The following SRGAP1 variants were observed in gnomAD, a reference collection of about 807,000 sequenced individuals.
SRGAP1 encodes SLIT-ROBO Rho GTPase activating protein 1, also known as SLIT-ROBO Rho GTPase-activating protein 1.
Under a neutral mutation model 121.9 loss-of-function variants are expected in SRGAP1, and 43 were observed. That is an observed-to-expected ratio of 0.35 (90% CI 0.28 to 0.46). The LOEUF (loss-of-function observed/expected upper bound fraction) is 0.46. Among genes scored for constraint, SRGAP1 ranks in the 20% least tolerant of loss-of-function variants. SRGAP1 has a pLI of 1.00. For missense variants in SRGAP1, 1,102 were observed against 1,350.9 expected (o/e 0.82, Z 2.89); for synonymous variants, 447 against 485.4 (o/e 0.92, Z 1.04).
Position 63,963,049 on chromosome 12 carries a change from A to G in SRGAP1, c.68-20898A>G, listed in dbSNP as rs1425854560. Among the ~76,000 whole-genome samples the G allele has an allele frequency of 5.3e-5, 8 of 152,180 alleles. No individual in the cohort carries two copies. The East Asian group carries it at 1.2e-3, about 22-fold the overall frequency. On this transcript the variant is annotated intron_variant, in intron 1 of 21. Transcript: ENST00000355086. ...AAATTTAGAATTATGTTTGTGGCCT[A>G]CATTTATAGCTTATATACTATTTTT...
intron 1 of SRGAP1, among the ~76,000 whole-genome samples, chr12:63,874,349 G>A (rs1899959412): frequency 6.6e-6 from 1 of 151,934 alleles, no homozygotes; most frequent in African/African-American, 2.4e-5. Context: ...GACTACAGGT[G>A]CCTGCCACCA....
chr12:63,893,045 G>A (rs751123767), intron 1 of SRGAP1, among the ~76,000 whole-genome samples: 101 of 152,128 alleles, frequency 6.6e-4, no homozygotes, highest in Non-Finnish European at 4.4e-4. Flanking sequence ...ACCAAATTAG[G>A]ATCTTTGGAA....
intron 1 of SRGAP1, among the ~76,000 whole-genome samples, chr12:63,876,282 G>T (rs893705112): frequency 3.3e-5 from 5 of 152,088 alleles, no homozygotes; most frequent in Non-Finnish European, 7.4e-5. Context: ...CCGCTTGATG[G>T]TGATATTTGG....
At chr12:64,079,245 T>C (rs2035793404) in intron 9 of SRGAP1, 129 bp downstream of exon 9, 2 of 965,744 alleles carry the variant, frequency 2.1e-6, no homozygotes, top group Middle Eastern at 3.3e-4. Context: ...ACCATCAGAG[T>C]TCCTGATTCA....
chr12:64,092,195 T>A (rs1368272752), intron 12 of SRGAP1, among the ~76,000 whole-genome samples: 1 of 152,178 alleles, frequency 6.6e-6, no homozygotes, highest in African/African-American at 2.4e-5. Context: ...GGAAAGTCAA[T>A]GTTAAATACC....
chr12:64,009,264 AT>A (rs1414258245), intron 3 of SRGAP1, among the ~76,000 whole-genome samples: 4 of 152,160 alleles, frequency 2.6e-5, no homozygotes, highest in African/African-American at 9.7e-5. Flanking sequence ...GTTTATTTAC[AT>A]CAGCCACTGA....
At chr12:64,035,808 T>G (rs2034891662) in intron 4 of SRGAP1, among the ~76,000 whole-genome samples, 1 of 152,204 alleles carries the variant, frequency 6.6e-6, no homozygotes, top group Non-Finnish European at 1.5e-5. Context: ...CTCTGCTGCT[T>G]TGCCTTTGGG....
chr12:63,860,048 C>G (rs1332567445), intron 1 of SRGAP1, among the ~76,000 whole-genome samples: 1 of 152,064 alleles, frequency 6.6e-6, no homozygotes, highest in African/African-American at 2.4e-5. Context: ...CTGTGCTGCC[C>G]AGGCTAAAGT....
At chr12:63,976,154 T>A (rs1212075886) in intron 1 of SRGAP1, among the ~76,000 whole-genome samples, 1 of 152,194 alleles carries the variant, frequency 6.6e-6, no homozygotes, top group Non-Finnish European at 1.5e-5. Flanking sequence ...AACACAGGTA[T>A]TTTTAGTAAG....
At chr12:63,949,012 T>TTTC (rs56996271) in intron 1 of SRGAP1, among the ~76,000 whole-genome samples, 2 of 92,028 alleles carry the variant, frequency 2.2e-5, no homozygotes, top group African/African-American at 1.0e-4. Flanking sequence ...ATATATATAT[T>TTTC]CATATATGTA....
At chr12:64,112,071 A>G (rs973137675) in intron 17 of SRGAP1, 85 bp downstream of exon 17, 3 of 1,097,770 alleles carry the variant, frequency 2.7e-6, no homozygotes, top group African/African-American at 1.6e-5. Context: ...AGAGTTTCCC[A>G]TAAGCCACCA....
chr12:64,039,628 C>CGTGTGTGTGTGTGT (rs6144742), intron 4 of SRGAP1, among the ~76,000 whole-genome samples: 6,983 of 130,840 alleles, frequency 0.053, 429 homozygotes, highest in African/African-American at 0.06. Context: ...AGCTGAGCAA[C>CGTGTGTGTGTGTGT]GTGTGTGTGT....
At chr12:64,103,118 C>T (rs182039888) in intron 15 of SRGAP1, among the ~76,000 whole-genome samples, 26 of 152,082 alleles carry the variant, frequency 1.7e-4, no homozygotes, top group Admixed American at 9.2e-4. Flanking sequence ...TAGCTGGGAC[C>T]ACAGGCGTGC....
chr12:63,866,570 C>A (rs368506119), intron 1 of SRGAP1, among the ~76,000 whole-genome samples: 1 of 152,098 alleles, frequency 6.6e-6, no homozygotes, highest in South Asian at 2.1e-4. Context: ...TATCAGACAG[C>A]AAATTTCAAC....
At chr12:63,997,524 A>G (rs1284337821) in intron 3 of SRGAP1, among the ~76,000 whole-genome samples, 3 of 152,066 alleles carry the variant, frequency 2.0e-5, no homozygotes, top group African/African-American at 7.2e-5. Flanking sequence ...TAGAAGGGTA[A>G]ATTGTTTTAA....
At chr12:64,080,562 C>G in intron 10 of SRGAP1, 192 bp downstream of exon 10, 1 of 669,206 alleles carries the variant, frequency 1.5e-6, no homozygotes, top group Non-Finnish European at 2.7e-6. Context: ...ATGGTGCTAA[C>G]CTTGAGGAAG....
intron 8 of SRGAP1, among the ~76,000 whole-genome samples, chr12:64,067,805 T>C (rs1473781105): frequency 6.6e-6 from 1 of 151,996 alleles, no homozygotes; most frequent in East Asian, 1.9e-4. Context: ...TAAGGAGTTT[T>C]GTTACTGTGG....
intron 1 of SRGAP1, among the ~76,000 whole-genome samples, chr12:63,973,715 A>G (rs2033020170): frequency 6.6e-6 from 1 of 152,210 alleles, no homozygotes; most frequent in African/African-American, 2.4e-5. Context: ...CTCAGTACTC[A>G]GTGCAAAAGA....
At chr12:64,095,335 T>G in intron 14 of SRGAP1, 131 bp downstream of exon 14, 1 of 710,212 alleles carries the variant, frequency 1.4e-6, no homozygotes, top group Non-Finnish European at 2.4e-6. Flanking sequence ...GGTGCAGCAG[T>G]AAGAATCCAT....
Sources: gnomAD v4.1 joint callset for allele counts (sites outside exome capture counted in the v4.1 genomes callset) on GRCh38, gnomAD v4.1.1 for gene constraint, MANE v1.5 for transcripts, NCBI Gene and HGNC (gene_info 2026-07-23, HGNC 2026-07-21) for gene names.